KANSL1L: variants seen among roughly 807,000 people sequenced by gnomAD.
The protein encoded by KANSL1L is KAT8 regulatory NSL complex subunit 1-like protein.
KANSL1L carries 25 observed loss-of-function variants against 108.6 expected under a neutral mutation model. That is an observed-to-expected ratio of 0.23 (90% CI 0.17 to 0.32). The LOEUF is 0.32. Ranked by LOEUF, KANSL1L falls within the 10% of genes least tolerant of loss-of-function variation. The probability of loss-of-function intolerance (pLI) is 1.00; values close to 1 mark genes in which losing one functional copy is unlikely to be tolerated. For synonymous variants in KANSL1L, 405 were observed against 395.1 expected (o/e 1.03, Z -0.30); for missense variants, 1,137 against 1,125.7 (o/e 1.01, Z -0.14).
At chr2:210,114,382 T>TA (rs1012957631) in intron 3 of KANSL1L, among the ~76,000 whole-genome samples, 15 of 151,590 alleles carry the variant, frequency 9.9e-5, no homozygotes, top group African/African-American at 2.4e-4. Flanking sequence ...CCTTCAAAGG[T>TA]AAAAAAAATT....
chr2:210,157,000 A>G (rs1264511786), intron 1 of KANSL1L, among the ~76,000 whole-genome samples: 87 of 149,180 alleles, frequency 5.8e-4, no homozygotes, highest in African/African-American at 1.9e-3. Context: ...AAAAAAAAAG[A>G]AAAAAAAGAT....
chr2:210,107,522 ATATATATATATATTTTTTTTTTTT>A (rs1559561774), intron 3 of KANSL1L, among the ~76,000 whole-genome samples: 9 of 124,276 alleles, frequency 7.2e-5, no homozygotes, highest in African/African-American at 2.9e-4. Context: ...AAAAAAAAAT[ATATATATATATATTTTTTTTTTTT>A]GAGACAGAGT....
At chr2:210,160,985 ATTTT>A (rs753694386) in intron 1 of KANSL1L, among the ~76,000 whole-genome samples, 2 of 133,420 alleles carry the variant, frequency 1.5e-5, no homozygotes. Flanking sequence ...CATACGGCCA[ATTTT>A]TTTTTTTTTT....
chr2:210,052,407 T>C (rs1462500212), intron 6 of KANSL1L, among the ~76,000 whole-genome samples: 1 of 152,232 alleles, frequency 6.6e-6, no homozygotes, highest in East Asian at 1.9e-4. Flanking sequence ...CTTTGAATTA[T>C]TAATTTCTAC....
intron 7 of KANSL1L, among the ~76,000 whole-genome samples, chr2:210,043,086 T>C (rs1035460012): frequency 2.6e-5 from 4 of 152,100 alleles, no homozygotes; most frequent in African/African-American, 9.7e-5. Flanking sequence ...AGTGTAAAGG[T>C]TCCACAAAAA....
Position 210,153,774 on chromosome 2 carries a change from G to A in KANSL1L, c.809C>T (p.Pro270Leu). The A allele has an allele frequency of 6.2e-7, 1 of 1,612,276 alleles. No individual in the cohort carries two copies. The highest frequency in any genetic ancestry group is 1.3e-5 in the African/African-American group (1 of 74,922). The change falls in exon 2 of 15, where the codon CCC (proline) becomes CTC (leucine). Residue 270 changes from proline (P) to leucine (L), a missense_variant. Physicochemically the swap from Pro to Leu is moderately conservative, Grantham distance 98. Coordinates refer to ENST00000281772, the MANE Select transcript of KANSL1L (RefSeq NM_152519.4). ...AGGTTCATGAAATGTCTTCATTTTG[G>A]GGAGTTGATGTTTCATAGACAATTT... ...QMKLSMKHQL[P>L]KMKTFHEPTT...
intron 12 of KANSL1L, among the ~76,000 whole-genome samples, chr2:210,026,579 A>C (rs1239476601): frequency 1.3e-5 from 2 of 152,190 alleles, no homozygotes; most frequent in Admixed American, 6.5e-5. Context: ...TTACCACATT[A>C]CTTTTTTAAA....
Position 210,118,424 on chromosome 2 carries a change from G to A in KANSL1L, c.1230+10607C>T, listed in dbSNP as rs572108445. On this transcript the variant is annotated intron_variant, in intron 3 of 14. Coordinates refer to ENST00000281772, the MANE Select transcript of KANSL1L (RefSeq NM_152519.4). ...GGAGGTCGCACTGTGAGCTCAGATC[G>A]CACCATTGCACTCCAGCCTGGGCAA... 6.3e-4 allele frequency among the ~76,000 whole-genome samples: 79 copies of A among 125,118 alleles called. 1 individual carries two copies. The highest frequency in any genetic ancestry group is 2.3e-3 in the African/African-American group (71 of 31,544). The allele number at this position is 125,118 out of a possible 152,430, so 82.1% of individuals were successfully genotyped here. A position where few individuals can be genotyped will look rare whatever the true frequency, so the allele number is the denominator to read the frequency against.
intron 3 of KANSL1L, among the ~76,000 whole-genome samples, chr2:210,107,465 G>C (rs546785908): frequency 6.7e-6 from 1 of 149,026 alleles, no homozygotes; most frequent in African/African-American, 2.5e-5. Flanking sequence ...CAAAGCTGTC[G>C]CAAGAACCAC....
At chr2:210,164,375 G>C (rs182532291) in intron 1 of KANSL1L, among the ~76,000 whole-genome samples, 4 of 152,150 alleles carry the variant, frequency 2.6e-5, no homozygotes, top group Non-Finnish European at 4.4e-5. Flanking sequence ...AAAGCACCTG[G>C]ATCTTCCTAT....
At chr2:210,144,903 G>C (rs920330957) in intron 2 of KANSL1L, among the ~76,000 whole-genome samples, 1 of 152,096 alleles carries the variant, frequency 6.6e-6, no homozygotes, top group African/African-American at 2.4e-5. Flanking sequence ...TTGTTACTTT[G>C]CATTAATGTC....
intron 5 of KANSL1L, among the ~76,000 whole-genome samples, chr2:210,089,836 T>C (rs992260433): frequency 1.3e-5 from 2 of 152,046 alleles, no homozygotes; most frequent in African/African-American, 4.8e-5. Flanking sequence ...CAAAGGCAAG[T>C]AGACCAAAGG....
At chr2:210,122,075 G>A (rs1335669489) in intron 3 of KANSL1L, among the ~76,000 whole-genome samples, 1 of 152,068 alleles carries the variant, frequency 6.6e-6, no homozygotes, top group African/African-American at 2.4e-5. Flanking sequence ...TTGTGAATTA[G>A]AAGAATTAAT....
chr2:210,058,836 CAA>C (rs71043968), intron 6 of KANSL1L, among the ~76,000 whole-genome samples: 664 of 65,832 alleles, frequency 0.01, 2 homozygotes, highest in Middle Eastern at 0.014. Context: ...GACTCCGTCT[CAA>C]AAAAAAAAAA....
chr2:210,060,758 A>C (rs2125272143), intron 6 of KANSL1L, among the ~76,000 whole-genome samples: 1 of 152,360 alleles, frequency 6.6e-6, no homozygotes, highest in Non-Finnish European at 1.5e-5. Flanking sequence ...TACCATGAGA[A>C]AACAGGAAGC....
In KANSL1L at chr2:210,079,700, G is replaced by GTATA. The variant is rs796956187; in HGVS notation, c.1551-3948_1551-3945dup. 199 of 75,722 alleles carry GTATA rather than the reference G, an allele frequency of 2.6e-3. 4 individuals are homozygous for GTATA. Among genetic ancestry groups the GTATA allele is most frequent in the African/African-American group, 8.0e-3 (120 of 15,056 alleles). 4.7% of individuals were successfully genotyped at this position (75,722 alleles called of 1,614,324 possible). On this transcript the variant is annotated intron_variant, in intron 5 of 14. Coordinates refer to ENST00000281772, the MANE Select transcript of KANSL1L (RefSeq NM_152519.4). ...TATATATATATATATATGTATGTGT[G>GTATA]TATATATATATATATATATATATAT...
At chr2:210,085,386 ACTAT>A (rs2094627668) in intron 5 of KANSL1L, among the ~76,000 whole-genome samples, 1 of 152,178 alleles carries the variant, frequency 6.6e-6, no homozygotes, top group African/African-American at 2.4e-5. Flanking sequence ...TTATTACAGA[ACTAT>A]CTGTCATTCT....
intron 3 of KANSL1L, among the ~76,000 whole-genome samples, chr2:210,113,387 T>C (rs2094926861): frequency 6.6e-6 from 1 of 152,118 alleles, no homozygotes; most frequent in Non-Finnish European, 1.5e-5. Flanking sequence ...GGCTTATTCT[T>C]GCCACACCGA....
intron 1 of KANSL1L, among the ~76,000 whole-genome samples, chr2:210,158,562 C>T (rs2080157): frequency 0.95 from 143,894 of 152,220 alleles, 68,539 homozygotes; most frequent in East Asian, 1. Context: ...GGGTAATATA[C>T]TACACAGTAA....
Sources: gnomAD v4.1 joint callset for allele counts (sites outside exome capture counted in the v4.1 genomes callset) on GRCh38, gnomAD v4.1.1 for gene constraint, MANE v1.5 for transcripts, NCBI Gene and HGNC (gene_info 2026-07-23, HGNC 2026-07-21) for gene names.